Variants in ZNF439 observed in about 807,000 individuals in gnomAD.
ZNF439 encodes the protein zinc finger protein 439.
A neutral mutation model predicts 47.3 loss-of-function variants in ZNF439; 40 were observed. That is an observed-to-expected ratio of 0.85 (90% CI 0.66 to 1.10). The LOEUF is 1.10. ZNF439 is among the 50% of genes least tolerant of loss of function. The probability of loss-of-function intolerance (pLI) is 0.00; values close to 1 mark genes in which losing one functional copy is unlikely to be tolerated. For synonymous variants in ZNF439, 171 were observed against 198.8 expected (o/e 0.86, Z 1.18); for missense variants, 556 against 601.1 (o/e 0.93, Z 0.78).
At chr19:11,861,582 C>A (rs958109014) in intron 1 of ZNF439, among the ~76,000 whole-genome samples, 1 of 152,152 alleles carries the variant, frequency 6.6e-6, no homozygotes, top group Non-Finnish European at 1.5e-5. Context: ...ATTGGAGACA[C>A]ATGGCTGGTC....
intron 1 of ZNF439, among the ~76,000 whole-genome samples, chr19:11,864,672 C>G (rs935270274): frequency 2.0e-5 from 3 of 152,108 alleles, no homozygotes; most frequent in African/African-American, 7.2e-5. Flanking sequence ...TTTACATGTA[C>G]AATTGAGATA....
chr19:11,866,007 TTC>T, intron 1 of ZNF439, 196 bp from the exon 2 acceptor site: 1 of 1,402,284 alleles, frequency 7.1e-7, no homozygotes, highest in Non-Finnish European at 9.2e-7. Context: ...AAGAGTGAAA[TTC>T]TGTCTCAAAA....
intron 1 of ZNF439, among the ~76,000 whole-genome samples, chr19:11,865,065 C>T (rs747258696): frequency 2.4e-4 from 36 of 152,328 alleles, no homozygotes; most frequent in South Asian, 8.3e-4. Flanking sequence ...CAGGCATGAG[C>T]CACCGCACCA....
intron 1 of ZNF439, among the ~76,000 whole-genome samples, chr19:11,853,954 A>C (rs1057056996): frequency 5.7e-4 from 87 of 152,162 alleles, no homozygotes; most frequent in African/African-American, 2.1e-3. Context: ...GAAACTCTTG[A>C]GTTTGCTTAT....
At chr19:11,857,319 T>C (rs144874623) in intron 1 of ZNF439, 3 of 152,354 alleles carry the variant, frequency 2.0e-5, no homozygotes, top group African/African-American at 7.2e-5. Flanking sequence ...TGGCCTGTTG[T>C]TGGGAATCCA....
At position 11,866,022 on chromosome 19, in the gene ZNF439, A is replaced by AC; in HGVS notation, c.64-183_64-182insC. Reference sequence around the variant, plus strand: ...AAGAGTGAAATTCTGTCTCAAAAAAATAAAAAAAAAAATTGCTTTATGGAA... The same window carrying AC: ...AAGAGTGAAATTCTGTCTCAAAAAAACTAAAAAAAAAAATTGCTTTATGGAA... On this transcript the variant is annotated intron_variant, in intron 1 of 3. Transcript: ENST00000682736. 2.8e-6 allele frequency: 4 copies of AC among 1,428,064 alleles called. No homozygotes were observed. In the South Asian group the frequency reaches 6.3e-5, roughly 23 times the overall value. 88.5% of individuals were successfully genotyped at this position (1,428,064 alleles called of 1,614,324 possible).
rs764924972 is a variant in ZNF439, at chr19:11,868,545, T to A, written c.1491T>A (p.Asn497Lys). Residue 497 changes from asparagine to lysine, a missense_variant, in exon 4 of 4, where the codon AAT (asparagine) becomes AAA (lysine). Physicochemically the swap from Asn to Lys is moderately conservative, Grantham distance 94. Transcript: ENST00000682736. The part of the protein sequence containing the change: ...RFHERTQTHK[N>K]ALWRKTL Reference sequence around the variant, plus strand: ...ATGAAAGGACACAAACACATAAGAATGCACTCTGGAGAAAGACCTTATAAA... The same window carrying A: ...ATGAAAGGACACAAACACATAAGAAAGCACTCTGGAGAAAGACCTTATAAA... 20 of 1,610,510 alleles carry A rather than the reference T, an allele frequency of 1.2e-5. No individual in the cohort carries two copies.
Position 11,867,659 on chromosome 19 carries a change from A to C in ZNF439, c.605A>C (p.Tyr202Ser), listed in dbSNP as rs145095096. 1.4e-5 allele frequency: 22 copies of C among 1,614,028 alleles called. No individual in the cohort carries two copies. In the African/African-American group the frequency reaches 2.4e-4, roughly 18 times the overall value. The change falls in exon 4 of 4, where the codon TAC (tyrosine) becomes TCC (serine). Residue 202 changes from tyrosine to serine, a missense_variant. Transcript: ENST00000682736. ...ACKECGKNII[Y>S]HSSIQRHMVV... ...AAAGAATGTGGAAAAAACATTATTT[A>C]CCATTCAAGCATTCAAAGACACATG...
intron 1 of ZNF439, chr19:11,857,063 C>A (rs1171950954): frequency 1.3e-5 from 2 of 152,186 alleles, no homozygotes; most frequent in Non-Finnish European, 2.9e-5. Context: ...GAGCGTTGAG[C>A]TGAAAGTCCA....
intron 1 of ZNF439, chr19:11,857,165 T>A (rs922268486): frequency 1.2e-4 from 19 of 152,224 alleles, no homozygotes; most frequent in African/African-American, 4.3e-4. Context: ...CCACCTGGAA[T>A]AGGCTCGTGA....
In ZNF439 at chr19:11,868,418, C is replaced by T. The variant is rs116023850; in HGVS notation, c.1364C>T (p.Ala455Val). The T allele has an allele frequency of 3.5e-3, 5,648 of 1,613,520 alleles. 160 individuals carry two copies. In the African/African-American group the frequency reaches 0.062, roughly 18 times the overall value. The stretch of plus-strand genomic sequence containing the variant: ...GAATGTGGGAAAGCTTTCAGATCTG[C>T]CTCACAACTTCGAATCCATCGTAGG... ...CKECGKAFRS[A>V]SQLRIHRRIH... The change falls in exon 4 of 4, where the codon GCC becomes GTC. Residue 455 changes from alanine (A) to valine (V), a missense_variant. Coordinates refer to ENST00000682736, the MANE Select transcript of ZNF439 (RefSeq NM_001348719.2).
At chr19:11,866,023 TA>T (rs111347788) in intron 1 of ZNF439, 181 bp from the exon 2 acceptor site, 27,888 of 1,148,920 alleles carry the variant, frequency 0.024, 1,065 homozygotes, top group African/African-American at 0.18. Context: ...CTCAAAAAAA[TA>T]AAAAAAAAAA....
chr19:11,866,765 A>G lies in ZNF439; in HGVS notation c.251+168A>G, dbSNP rs541517633. Among the ~76,000 whole-genome samples, 13 of 152,312 alleles carry G rather than the reference A, an allele frequency of 8.5e-5. No homozygotes were observed. In the East Asian group the frequency reaches 2.5e-3, roughly 29 times the overall value. On this transcript the variant is annotated intron_variant, in intron 3 of 3. Coordinates refer to ENST00000682736, the MANE Select transcript of ZNF439 (RefSeq NM_001348719.2). ...TAAATGTGATCAAGGCTGAGGGCTC[A>G]CTCCTGTAATCCCAGTCCTTTGAGA...
chr19:11,868,025 C>A lies in ZNF439; in HGVS notation c.971C>A (p.Thr324Asn). ...CGTTATGTTCGTAGACATGAAAGGA[C>A]CCACTCTAGGAAAAAACTTTATGAA... Reference protein sequence around the residue: ...CPRYVRRHERTHSRKKLYECK... With the variant: ...CPRYVRRHERNHSRKKLYECK... Residue 324 changes from threonine to asparagine, a missense_variant, in exon 4 of 4, where the codon ACC becomes AAC. Transcript: ENST00000682736. The A allele has an allele frequency of 6.2e-7, 1 of 1,614,046 alleles. No homozygotes were observed. The highest frequency in any genetic ancestry group is 8.5e-7 in the Non-Finnish European group (1 of 1,180,000).
At chr19:11,859,661 A>G (rs1254716601) in intron 1 of ZNF439, among the ~76,000 whole-genome samples, 1 of 152,168 alleles carries the variant, frequency 6.6e-6, no homozygotes, top group Admixed American at 6.5e-5. Context: ...GGATTATTTG[A>G]ATCGGGCCTT....
In ZNF439 at chr19:11,867,956, A is replaced by G; in HGVS notation, c.902A>G (p.Lys301Arg). 1 of 1,614,154 alleles carries G rather than the reference A, an allele frequency of 6.2e-7. No individual in the cohort carries two copies. Among genetic ancestry groups the G allele is most frequent in the Non-Finnish European group, 8.5e-7 (1 of 1,180,014 alleles). ...HRHERSHMGE[K>R]AYQCKECGKA... ...CATGAAAGGAGTCACATGGGAGAGA[A>G]GGCTTATCAATGTAAGGAATGTGGA... Residue 301 changes from lysine to arginine, a missense_variant, in exon 4 of 4, where the codon AAG becomes AGG. Transcript: ENST00000682736.
Position 11,868,839 on chromosome 19 carries a change from G to A in ZNF439, c.*270G>A. The A allele has an allele frequency of 2.0e-6, 1 of 510,902 alleles. No homozygotes were observed. Among genetic ancestry groups the A allele is most frequent in the Non-Finnish European group, 3.6e-6 (1 of 275,452 alleles). The allele number at this position is 510,902 out of a possible 1,614,324, so 31.6% of individuals were successfully genotyped here. Reference sequence around the variant, plus strand: ...CTATGAATGTAAGAAATGTGGAAAAGCGTTCCATAATTTCTCTTCTTTTCA... The same window carrying A: ...CTATGAATGTAAGAAATGTGGAAAAACGTTCCATAATTTCTCTTCTTTTCA... On this transcript the variant is annotated 3_prime_UTR_variant, in exon 4 of 4. Coordinates refer to ENST00000682736, the MANE Select transcript of ZNF439 (RefSeq NM_001348719.2).
At position 11,867,632 on chromosome 19, in the gene ZNF439, G is replaced by A. The variant is rs139363490; in HGVS notation, c.578G>A (p.Cys193Tyr). ...RDHTGKKPYA[C>Y]KECGKNIIYH... ...CACACTGGAAAGAAACCCTATGCTT[G>A]TAAAGAATGTGGAAAAAACATTATT... The change falls in exon 4 of 4, where the codon TGT (cysteine) becomes TAT (tyrosine). Residue 193 changes from cysteine (C) to tyrosine (Y), a missense_variant. Transcript: ENST00000682736. The A allele has an allele frequency of 6.2e-6, 10 of 1,613,958 alleles. No individual in the cohort carries two copies. Among genetic ancestry groups the A allele is most frequent in the Non-Finnish European group, 8.5e-6 (10 of 1,180,000 alleles).
intron 2 of ZNF439, 30 bp downstream of exon 2, chr19:11,866,361 G>C (rs773960052): frequency 1.9e-6 from 3 of 1,613,276 alleles, no homozygotes; most frequent in African/African-American, 2.7e-5. Context: ...TTCCCTCAGT[G>C]CATTAGTTTA....
Sources: gnomAD v4.1 joint callset for allele counts (sites outside exome capture counted in the v4.1 genomes callset) on GRCh38, gnomAD v4.1.1 for gene constraint, MANE v1.5 for transcripts, NCBI Gene and HGNC (gene_info 2026-07-23, HGNC 2026-07-21) for gene names.